THBS1: variants seen among roughly 807,000 people sequenced by gnomAD.
THBS1 encodes thrombospondin-1.
THBS1 carries 29 observed loss-of-function variants against 126.1 expected under a neutral mutation model. That is an observed-to-expected ratio of 0.23 (90% confidence interval 0.17 to 0.31). The LOEUF (loss-of-function observed/expected upper bound fraction) is 0.31, where lower values mean the gene tolerates loss of function less well. THBS1 is among the 10% of genes least tolerant of loss of function. The pLI, the probability that THBS1 is intolerant of heterozygous loss-of-function variation, is 1.00. For synonymous variants in THBS1, 496 were observed against 577.8 expected (o/e 0.86, Z 2.03); for missense variants, 1,198 against 1,545.2 (o/e 0.78, Z 3.77).
Position 39,589,370 on chromosome 15 carries a change from C to A in THBS1, c.1926+16C>A. The stretch of plus-strand genomic sequence containing the variant: ...CAACAAACAGGTACAGTCAACTAGA[C>A]GAGTAAACCAGAGGACAGGAGAGCT... On this transcript the variant is annotated intron_variant, in intron 12 of 21. Transcript: ENST00000260356. The surrounding 1 kb of genome is among the most constrained non-coding windows in gnomAD (Gnocchi z 4.7). 1 of 1,613,204 alleles carries A rather than the reference C, an allele frequency of 6.2e-7. No homozygotes were observed. Among genetic ancestry groups the A allele is most frequent in the Non-Finnish European group, 8.5e-7 (1 of 1,179,866 alleles).
rs1890280278 is a variant in THBS1 at position 39,589,301 on chromosome 15, A to C, written c.1873A>C (p.Thr625Pro). 1.2e-6 allele frequency: 2 copies of C among 1,613,990 alleles called. No individual in the cohort carries two copies. The highest frequency in any genetic ancestry group is 2.2e-5 in the South Asian group (2 of 91,076). The change falls in exon 12 of 22, where the codon ACC (threonine) becomes CCC (proline). Residue 625 changes from threonine (T) to proline (P), a missense_variant. Physicochemically the swap from Thr to Pro is conservative, Grantham distance 38. Transcript: ENST00000260356. The surrounding 1 kb of genome is among the most constrained non-coding windows in gnomAD (Gnocchi z 4.7). ...CTGCCTGCCCTGCCCCCCACGCTTC[A>C]CCGGCTCACAGCCCTTCGGCCAGGG... ...YNCLPCPPRFTGSQPFGQGVE... is the reference protein window; with the variant it reads ...YNCLPCPPRFPGSQPFGQGVE...
At chr15:39,586,224 A>G (rs1890205273) in intron 7 of THBS1, among the ~76,000 whole-genome samples, 1 of 152,184 alleles carries the variant, frequency 6.6e-6, no homozygotes, top group Non-Finnish European at 1.5e-5. Flanking sequence ...ACACACACAG[A>G]AACACACATG....
rs571205343 is a variant in THBS1, at chr15:39,588,626, C to T, written c.1572C>T (p.Pro524=). Residue 524 remains proline (P), a synonymous_variant, in exon 10 of 22, where the codon CCC becomes CCT. Coordinates refer to ENST00000260356, the MANE Select transcript of THBS1 (RefSeq NM_003246.4). ...GTCGTCTCTGCAACAACCCCACACC[C>T]CAGTTTGGAGGCAAGGACTGCGTTG... ...KRSRLCNNPT[P]QFGGKDCVGD... The T allele has an allele frequency of 7.4e-6, 12 of 1,611,510 alleles. 1 individual carries two copies. The highest frequency in any genetic ancestry group is 6.7e-5 in the African/African-American group (5 of 74,794).
rs969022583 is a variant in THBS1 at position 39,596,554 on chromosome 15, C to T, written c.*1185C>T. The T allele has an allele frequency of 1.3e-5, 2 of 152,122 alleles. No homozygotes were observed. The highest frequency in any genetic ancestry group is 2.4e-5 in the African/African-American group (1 of 41,396). 9.4% of individuals were successfully genotyped at this position (152,122 alleles called of 1,614,324 possible). A position where few individuals can be genotyped will look rare whatever the true frequency, so the allele number is the denominator to read the frequency against. ...TCTGCCTGGAAATTTAGGCTTCATA[C>T]GGAAAGTGTTTGAGAGCAAGTAGTT... On this transcript the variant is annotated 3_prime_UTR_variant, in exon 22 of 22. Coordinates refer to ENST00000260356, the MANE Select transcript of THBS1 (RefSeq NM_003246.4).
intron 7 of THBS1, 91 bp downstream of exon 7, chr15:39,585,654 C>T: frequency 8.5e-7 from 1 of 1,181,170 alleles, no homozygotes; most frequent in South Asian, 1.3e-5. Context: ...GGAACCCCAC[C>T]CCCATCTCCA....
chr15:39,592,494 G>T lies in THBS1; in HGVS notation c.2533-74G>T. 1 of 1,252,150 alleles carries T rather than the reference G, an allele frequency of 8.0e-7. No homozygotes were observed. Among genetic ancestry groups the T allele is most frequent in the Non-Finnish European group, 1.1e-6 (1 of 895,622 alleles). The allele number at this position is 1,252,150 out of a possible 1,614,324, so 77.6% of individuals were successfully genotyped here. On this transcript the variant is annotated intron_variant, in intron 16 of 21. Coordinates refer to ENST00000260356, the MANE Select transcript of THBS1 (RefSeq NM_003246.4). This position sits in a 1 kb window ranked among gnomAD's most constrained non-coding sequence, Gnocchi z 4.3. Reference sequence around the variant, plus strand: ...TCAAACAATGGAGAATTTTCCCTGTGGTGGGGGCATAAGTTATCTTTAACA... The same window carrying T: ...TCAAACAATGGAGAATTTTCCCTGTTGTGGGGGCATAAGTTATCTTTAACA...
chr15:39,589,678 A>G lies in THBS1; in HGVS notation c.1927-127A>G. The G allele has an allele frequency of 2.8e-6, 3 of 1,057,038 alleles. No homozygotes were observed. The highest frequency in any genetic ancestry group is 4.0e-6 in the Non-Finnish European group (3 of 755,148). The allele number at this position is 1,057,038 out of a possible 1,614,324, so 65.5% of individuals were successfully genotyped here. On this transcript the variant is annotated intron_variant, in intron 12 of 21. Transcript: ENST00000260356. The surrounding 1 kb of genome is among the most constrained non-coding windows in gnomAD (Gnocchi z 4.7). The stretch of plus-strand genomic sequence containing the variant: ...CCTCAGGGAGAATGGGGAGGGACAG[A>G]GGTAACCCACACTCTTCCAAATGGA...
At position 39,590,563 on chromosome 15, in the gene THBS1, G is replaced by T; in HGVS notation, c.2193G>T (p.Lys731Asn). Residue 731 changes from lysine (K) to asparagine (N), a missense_variant, in exon 14 of 22, where the codon AAG (lysine) becomes AAT (asparagine). By Grantham distance (94) the Lys-to-Asn change is moderately conservative. Around this residue, in one of 4 missense-constraint regions of THBS1, gnomAD observed 663 missense variants for 860.1 expected, o/e 0.77. Transcript: ENST00000260356. Reference sequence around the variant, plus strand: ...ACTCAGGGCAGGAAGACTATGACAAGGATGGAATTGGTGATGCCTGTGATG... The same window carrying T: ...ACTCAGGGCAGGAAGACTATGACAATGATGGAATTGGTGATGCCTGTGATG... Reference protein sequence around the residue: ...LPNSGQEDYDKDGIGDACDDD... With the variant: ...LPNSGQEDYDNDGIGDACDDD... 1.2e-6 allele frequency: 2 copies of T among 1,613,994 alleles called. No individual in the cohort carries two copies. The highest frequency in any genetic ancestry group is 1.6e-4 in the Middle Eastern group (1 of 6,062).
At chr15:39,591,676 T>A in intron 16 of THBS1, 53 bp downstream of exon 16, 1 of 1,489,650 alleles carries the variant, frequency 6.7e-7, no homozygotes, top group Non-Finnish European at 9.4e-7. Flanking sequence ...GGAATATCCC[T>A]TTCATGGCCT....
chr15:39,587,990 T>C lies in THBS1; in HGVS notation c.1295-52T>C, dbSNP rs1400867472. ...TGCGTGCTCCTGATGGGAGCCTCTA[T>C]TTGGCTGTCTCTAAGCCAAAACCAT... On this transcript the variant is annotated intron_variant, in intron 8 of 21. Transcript: ENST00000260356. 6 of 1,570,322 alleles carry C rather than the reference T, an allele frequency of 3.8e-6. No individual in the cohort carries two copies. The East Asian group carries it at 6.8e-5, about 18-fold the overall frequency.
Position 39,589,790 on chromosome 15 carries a change from A to C in THBS1, c.1927-15A>C. On this transcript the variant is annotated splice_polypyrimidine_tract_variant and intron_variant, in intron 12 of 21. Transcript: ENST00000260356. The surrounding 1 kb of genome is among the most constrained non-coding windows in gnomAD (Gnocchi z 4.7). ...CTCAAAAGCTCTGTGTAACAGCAGC[A>C]TGGTGTACCCTCAGGTGTGCAAGCC... 6.3e-7 allele frequency: 1 copy of C among 1,585,266 alleles called. No homozygotes were observed. The highest frequency in any genetic ancestry group is 8.6e-7 in the Non-Finnish European group (1 of 1,165,420).
In THBS1 at chr15:39,597,890, T is replaced by C. The variant is rs1440898965; in HGVS notation, c.*2521T>C. On this transcript the variant is annotated 3_prime_UTR_variant, in exon 22 of 22. Coordinates refer to ENST00000260356, the MANE Select transcript of THBS1 (RefSeq NM_003246.4). Reference sequence around the variant, plus strand: ...ATGATGCCTTGGGTGGGCAACACGATTGCATGTTGTGGAGACACTTCGGAA... The same window carrying C: ...ATGATGCCTTGGGTGGGCAACACGACTGCATGTTGTGGAGACACTTCGGAA... The C allele has an allele frequency of 6.6e-6, 1 of 152,174 alleles. No individual in the cohort carries two copies. Among genetic ancestry groups the C allele is most frequent in the Non-Finnish European group, 1.5e-5 (1 of 68,022 alleles). The allele number at this position is 152,174 out of a possible 1,614,324, so 9.4% of individuals were successfully genotyped here. A position where few individuals can be genotyped will look rare whatever the true frequency, so the allele number is the denominator to read the frequency against.
chr15:39,588,741 C>T (rs1329378159), intron 10 of THBS1, 42 bp downstream of exon 10: 2 of 1,550,358 alleles, frequency 1.3e-6, no homozygotes, highest in Non-Finnish European at 1.7e-6. Context: ...AGGAGCTTTG[C>T]TCTTTTACTG....
intron 1 of THBS1, among the ~76,000 whole-genome samples, chr15:39,581,474 C>G (rs571760793): frequency 2.0e-5 from 3 of 152,030 alleles, no homozygotes; most frequent in African/African-American, 7.3e-5. Flanking sequence ...TGAAGTCCTC[C>G]TTAAGCCTTT....
intron 6 of THBS1, 27 bp from the exon 7 acceptor site, chr15:39,585,443 T>A: frequency 6.2e-7 from 1 of 1,604,706 alleles, no homozygotes; most frequent in Middle Eastern, 1.7e-4. Flanking sequence ...CAGCAGCCTG[T>A]TCCCCTCTCA....
rs878986719 is a variant in THBS1 at position 39,594,133 on chromosome 15, G to C, written c.3302G>C (p.Gly1101Ala). 2 of 1,614,110 alleles carry C rather than the reference G, an allele frequency of 1.2e-6. No individual in the cohort carries two copies. The highest frequency in any genetic ancestry group is 1.7e-6 in the Non-Finnish European group (2 of 1,179,988). ...CTGTGGCATGACCCTCGTCACATAG[G>C]CTGGAAAGATTTCACCGCCTACAGA... ...RTLWHDPRHI[G>A]WKDFTAYRWR... Residue 1101 changes from glycine (G) to alanine (A), a missense_variant, in exon 20 of 22, where the codon GGC (glycine) becomes GCC (alanine). Transcript: ENST00000260356. The surrounding 1 kb of genome is among the most constrained non-coding windows in gnomAD (Gnocchi z 4.4).
Position 39,588,684 on chromosome 15 carries a change from C to G in THBS1, c.1630C>G (p.Gln544Glu), listed in dbSNP as rs1307266520. The G allele has an allele frequency of 1.3e-6, 2 of 1,580,186 alleles. No individual in the cohort carries two copies. The highest frequency in any genetic ancestry group is 2.4e-5 in the South Asian group (2 of 84,226). The change falls in exon 10 of 22, where the codon CAG (glutamine) becomes GAG (glutamate). Residue 544 changes from glutamine (Q) to glutamate (E), a missense_variant. Around this residue, in one of 4 missense-constraint regions of THBS1, gnomAD observed 663 missense variants for 860.1 expected, o/e 0.77. Transcript: ENST00000260356. ...DVTENQICNK[Q>E]DCPIDGCLSN... ...AACAGAAAACCAGATCTGCAACAAG[C>G]AGGACTGTCCAATTGGTGAGCCACG... is the stretch of plus-strand genomic sequence containing the variant.
At position 39,588,952 on chromosome 15, in the gene THBS1, G is replaced by T; in HGVS notation, c.1646-7G>T. 1 of 1,614,144 alleles carries T rather than the reference G, an allele frequency of 6.2e-7. No homozygotes were observed. The highest frequency in any genetic ancestry group is 8.5e-7 in the Non-Finnish European group (1 of 1,180,048). ...TTACTGTGACTGTCTCTCTCTCCTT[G>T]TCTCAGATGGATGCCTGTCCAATCC... On this transcript the variant is annotated splice_polypyrimidine_tract_variant and splice_region_variant and intron_variant, in intron 10 of 21. Transcript: ENST00000260356.
In THBS1 at chr15:39,598,301, A is replaced by G. The variant is rs1890524706; in HGVS notation, c.*2932A>G. ...CCTTGTTGATTTTCACTCTCATTCT[A>G]TAAATACTCATCTTTCTGAGTAGCC... On this transcript the variant is annotated 3_prime_UTR_variant, in exon 22 of 22. Coordinates refer to ENST00000260356, the MANE Select transcript of THBS1 (RefSeq NM_003246.4). 6.6e-6 allele frequency: 1 copy of G among 152,234 alleles called. No individual in the cohort carries two copies. The highest frequency in any genetic ancestry group is 1.5e-5 in the Non-Finnish European group (1 of 68,042). The allele number at this position is 152,234 out of a possible 1,614,324, so 9.4% of individuals were successfully genotyped here. A position where few individuals can be genotyped will look rare whatever the true frequency, so the allele number is the denominator to read the frequency against.
Sources: gnomAD v4.1 joint callset for allele counts (sites outside exome capture counted in the v4.1 genomes callset) on GRCh38, gnomAD v4.1.1 for gene constraint, gnomAD v4.1.1 regional missense constraint, Gnocchi (gnomAD v3.1) non-coding constraint, MANE v1.5 for transcripts, NCBI Gene and HGNC (gene_info 2026-07-23, HGNC 2026-07-21) for gene names.